GLG1: variants seen among roughly 807,000 people sequenced by gnomAD.
The protein encoded by GLG1 is golgi glycoprotein 1, also known as Golgi apparatus protein 1.
In GLG1, 38 loss-of-function variants were observed where a neutral mutation model predicts 160.5. The ratio of observed to expected loss-of-function variants is 0.24; its 90% confidence interval spans 0.18 to 0.31. The LOEUF is 0.31. Among genes scored for constraint, GLG1 ranks in the 10% least tolerant of loss-of-function variants. The probability of loss-of-function intolerance (pLI) is 1.00; values close to 1 mark genes in which losing one functional copy is unlikely to be tolerated. For synonymous variants in GLG1, 644 were observed against 543.4 expected (o/e 1.19, Z -2.57); for missense variants, 1,373 against 1,505.2 (o/e 0.91, Z 1.45).
chr16:74,556,488 A>G (rs2018356537), intron 1 of GLG1, among the ~76,000 whole-genome samples: 1 of 152,054 alleles, frequency 6.6e-6, no homozygotes, highest in African/African-American at 2.4e-5. Context: ...ATAATCTAAT[A>G]CACTCTGGGG....
intron 23 of GLG1, 174 bp from the exon 24 acceptor site, chr16:74,458,168 T>G (rs1197866324): frequency 3.7e-6 from 2 of 539,576 alleles, no homozygotes; most frequent in Non-Finnish European, 6.7e-6. Flanking sequence ...AGAATTTAAT[T>G]GAGTAACTAA....
At chr16:74,588,754 T>G (rs1032775699) in intron 1 of GLG1, among the ~76,000 whole-genome samples, 1 of 152,076 alleles carries the variant, frequency 6.6e-6, no homozygotes, top group Non-Finnish European at 1.5e-5. Context: ...CAAATAAAAA[T>G]CTATCTGATT....
intron 19 of GLG1, among the ~76,000 whole-genome samples, chr16:74,465,027 C>T (rs565995740): frequency 4.6e-5 from 7 of 152,102 alleles, no homozygotes; most frequent in Non-Finnish European, 8.8e-5. Flanking sequence ...TTAGTAGAGA[C>T]GGGGTTTCAC....
At chr16:74,520,158 T>A (rs2017115690) in intron 2 of GLG1, among the ~76,000 whole-genome samples, 1 of 152,204 alleles carries the variant, frequency 6.6e-6, no homozygotes, top group Non-Finnish European at 1.5e-5. Flanking sequence ...TCTTGCAGTC[T>A]TTTCATTTTC....
In GLG1 at chr16:74,480,525, A is replaced by G. The variant is rs117222218; in HGVS notation, c.1674-131T>C. ...ACTTCCAGGGGCGTGGAGACAGAAGATATGTAAAAGTATATTCCTGAATTT... is the reference window on the plus strand; with the variant it reads ...ACTTCCAGGGGCGTGGAGACAGAAGGTATGTAAAAGTATATTCCTGAATTT... On this transcript the variant is annotated intron_variant, in intron 10 of 25. Coordinates refer to ENST00000422840, the MANE Select transcript of GLG1 (RefSeq NM_001145667.2). The G allele has an allele frequency of 9.8e-4, 566 of 580,390 alleles. 1 individual carries two copies. Among genetic ancestry groups the G allele is most frequent in the Non-Finnish European group, 1.4e-3 (464 of 338,024 alleles). 36.0% of individuals were successfully genotyped at this position (580,390 alleles called of 1,614,324 possible).
chr16:74,581,864 A>G (rs1054887833), intron 1 of GLG1, among the ~76,000 whole-genome samples: 10 of 152,228 alleles, frequency 6.6e-5, no homozygotes, highest in Non-Finnish European at 1.3e-4. Context: ...GTGAGTCGAG[A>G]TAGCGTTACT....
chr16:74,473,696 C>A (rs1486163263), intron 13 of GLG1, among the ~76,000 whole-genome samples: 1 of 152,118 alleles, frequency 6.6e-6, no homozygotes, highest in East Asian at 1.9e-4. Flanking sequence ...CGCCTCGCCT[C>A]CCAAAGTGCT....
rs1430875513 is a variant in GLG1, at chr16:74,498,460, ATATATATT to A, written c.775-1824_775-1817del. 1.1e-4 allele frequency among the ~76,000 whole-genome samples: 11 copies of A among 102,150 alleles called. 2 individuals are homozygous for A. The highest frequency in any genetic ancestry group is 4.5e-4 in the African/African-American group (11 of 24,656). The allele number at this position is 102,150 out of a possible 152,430, so 67.0% of individuals were successfully genotyped here. A position where few individuals can be genotyped will look rare whatever the true frequency, so the allele number is the denominator to read the frequency against. On this transcript the variant is annotated intron_variant, in intron 4 of 25. Transcript: ENST00000422840. ...AAAAAAAAAAAAAGTATATATATAT[ATATATATT>A]ATATTTTATATATATATTTTATATA...
intron 1 of GLG1, among the ~76,000 whole-genome samples, chr16:74,539,180 A>C (rs1010121403): frequency 6.7e-6 from 1 of 148,804 alleles, no homozygotes; most frequent in Non-Finnish European, 1.5e-5. Flanking sequence ...CATTGGTCCA[A>C]TAATGGTTTC....
chr16:74,494,124 G>T (rs1480125126), intron 6 of GLG1, among the ~76,000 whole-genome samples: 2 of 150,324 alleles, frequency 1.3e-5, no homozygotes, highest in Non-Finnish European at 3.0e-5. Flanking sequence ...ACAGTGAGCC[G>T]AATCATGCCA....
intron 1 of GLG1, among the ~76,000 whole-genome samples, chr16:74,542,552 T>C (rs901710716): frequency 9.9e-5 from 15 of 150,760 alleles, no homozygotes; most frequent in Non-Finnish European, 1.9e-4. Flanking sequence ...GTACCTGTAA[T>C]CCCAGCTACT....
chr16:74,569,042 C>T (rs187052106), intron 1 of GLG1, among the ~76,000 whole-genome samples: 2 of 152,278 alleles, frequency 1.3e-5, no homozygotes, highest in South Asian at 2.1e-4. Context: ...ACTGAAGGGC[C>T]GTGTGGGCAG....
chr16:74,531,255 T>C (rs2017522235), intron 2 of GLG1, among the ~76,000 whole-genome samples: 1 of 152,130 alleles, frequency 6.6e-6, no homozygotes, highest in African/African-American at 2.4e-5. Flanking sequence ...TTCTATAATG[T>C]GATAGAGTGA....
intron 2 of GLG1, among the ~76,000 whole-genome samples, chr16:74,528,239 G>A (rs1458538674): frequency 1.3e-5 from 2 of 151,910 alleles, no homozygotes; most frequent in African/African-American, 2.4e-5. Context: ...AGCCTCAAGC[G>A]ATCTGCCTGC....
In GLG1 at chr16:74,453,135, G is replaced by A. The variant is rs376713290; in HGVS notation, c.*32C>T. 8.7e-6 allele frequency: 14 copies of A among 1,609,186 alleles called. No individual in the cohort carries two copies. Among genetic ancestry groups the A allele is most frequent in the Non-Finnish European group, 9.3e-6 (11 of 1,177,214 alleles). The stretch of plus-strand genomic sequence containing the variant: ...AGAGGGCTGTACAAACTGGGCACTG[G>A]ATAGGTAGTTCCTTTGGTGGTCAAG... On this transcript the variant is annotated 3_prime_UTR_variant, in exon 26 of 26. Coordinates refer to ENST00000422840, the MANE Select transcript of GLG1 (RefSeq NM_001145667.2).
At chr16:74,517,758 T>A (rs897788673) in intron 2 of GLG1, among the ~76,000 whole-genome samples, 1 of 152,182 alleles carries the variant, frequency 6.6e-6, no homozygotes, top group Non-Finnish European at 1.5e-5. Flanking sequence ...AGAAGTCAAA[T>A]TGTCCCTCTT....
chr16:74,548,174 G>C (rs1396309144), intron 1 of GLG1, among the ~76,000 whole-genome samples: 1 of 152,188 alleles, frequency 6.6e-6, no homozygotes, highest in East Asian at 1.9e-4. Context: ...TAGCTGCTCT[G>C]CATTCTAAAA....
chr16:74,488,191 G>A (rs1484308300), intron 8 of GLG1, among the ~76,000 whole-genome samples: 1 of 151,892 alleles, frequency 6.6e-6, no homozygotes, highest in African/African-American at 2.4e-5. Flanking sequence ...GAAAACTAAT[G>A]GTCAACCACA....
chr16:74,454,469 C>T (rs2014446578), intron 25 of GLG1, among the ~76,000 whole-genome samples: 1 of 151,154 alleles, frequency 6.6e-6, no homozygotes, highest in African/African-American at 2.4e-5. Flanking sequence ...AGTTCAAGAC[C>T]AGCCTGGCCA....
Sources: allele counts gnomAD v4.1 joint callset (sites outside exome capture counted in the v4.1 genomes callset), GRCh38; gene constraint gnomAD v4.1.1; transcripts MANE v1.5; gene names NCBI Gene and HGNC (gene_info 2026-07-23, HGNC 2026-07-21).